The following EMCN variants were observed in gnomAD, a reference collection of about 807,000 sequenced individuals.
The protein encoded by EMCN is MUC-14.
Under a neutral mutation model 38.4 loss-of-function variants are expected in EMCN, and 37 were observed. The observed-to-expected ratio is 0.96, with a 90% confidence interval of 0.74 to 1.27. The LOEUF (loss-of-function observed/expected upper bound fraction) is 1.27, where lower values mean the gene tolerates loss of function less well. Among genes scored for constraint, EMCN ranks in the 50% most tolerant of loss-of-function variants. The pLI is 0.00. For missense variants in EMCN, 318 were observed against 302.8 expected, an observed-to-expected ratio of 1.05 and a Z score of -0.37; for synonymous variants, 95 against 100.8, an observed-to-expected ratio of 0.94 and a Z score of 0.35.
At chr4:100,509,142 A>T (rs7691351) in intron 1 of EMCN, among the ~76,000 whole-genome samples, 35,601 of 152,120 alleles carry the variant, frequency 0.23, 4,342 homozygotes, top group Middle Eastern at 0.31. Context: ...ACACAAAAAT[A>T]GTCACTTAGA....
chr4:100,414,845 A>G (rs1327566329), intron 10 of EMCN, among the ~76,000 whole-genome samples: 2 of 152,220 alleles, frequency 1.3e-5, no homozygotes, highest in African/African-American at 4.8e-5. Flanking sequence ...GGAATTGGTT[A>G]TTATAAATGT....
intron 2 of EMCN, among the ~76,000 whole-genome samples, chr4:100,476,679 C>T (rs905124378): frequency 6.6e-6 from 1 of 152,134 alleles, no homozygotes; most frequent in South Asian, 2.1e-4. Flanking sequence ...CTTTGAGAAA[C>T]ATGTTGAATT....
intron 5 of EMCN, among the ~76,000 whole-genome samples, chr4:100,429,530 C>T (rs941589243): frequency 3.9e-5 from 6 of 152,186 alleles, no homozygotes; most frequent in African/African-American, 1.2e-4. Flanking sequence ...CCTGGTTGCA[C>T]TCTTATAGCA....
chr4:100,460,014 A>G (rs1454674219), intron 4 of EMCN, among the ~76,000 whole-genome samples: 5 of 152,198 alleles, frequency 3.3e-5, no homozygotes. Context: ...GTTTTCCACA[A>G]TGGCTACACT....
chr4:100,430,219 G>T (rs1485069747), intron 5 of EMCN, among the ~76,000 whole-genome samples: 1 of 152,102 alleles, frequency 6.6e-6, no homozygotes, highest in African/African-American at 2.4e-5. Context: ...AGTAGAAACT[G>T]ATGCCTTGAG....
chr4:100,466,726 G>C (rs761232421), intron 3 of EMCN, among the ~76,000 whole-genome samples: 4 of 152,164 alleles, frequency 2.6e-5, no homozygotes, highest in Non-Finnish European at 5.9e-5. Flanking sequence ...GTTGGTATTC[G>C]TGTTAGCATG....
At chr4:100,511,075 C>T (rs1578241235) in intron 1 of EMCN, among the ~76,000 whole-genome samples, 1 of 152,106 alleles carries the variant, frequency 6.6e-6, no homozygotes, top group Admixed American at 6.5e-5. Flanking sequence ...TGCTGTGAGG[C>T]GGAGTAGTGA....
Position 100,397,148 on chromosome 4 carries a change from T to C in EMCN, c.*1265A>G, listed in dbSNP as rs1054764786. On this transcript the variant is annotated 3_prime_UTR_variant, in exon 12 of 12. Coordinates refer to ENST00000296420, the MANE Select transcript of EMCN (RefSeq NM_016242.4). ...TAAAAGGCTATTTTAAATACAAGATTCCATCTTCACTAAACTGCCCCTTAG... is the reference window on the plus strand; with the variant it reads ...TAAAAGGCTATTTTAAATACAAGATCCCATCTTCACTAAACTGCCCCTTAG... 1.3e-5 allele frequency: 2 copies of C among 152,232 alleles called. No homozygotes were observed. The highest frequency in any genetic ancestry group is 2.9e-5 in the Non-Finnish European group (2 of 68,014). 9.4% of individuals were successfully genotyped at this position (152,232 alleles called of 1,614,324 possible). A position where few individuals can be genotyped will look rare whatever the true frequency, so the allele number is the denominator to read the frequency against.
At chr4:100,435,832 T>A (rs1169311577) in intron 5 of EMCN, among the ~76,000 whole-genome samples, 6 of 152,038 alleles carry the variant, frequency 3.9e-5, no homozygotes, top group African/African-American at 1.4e-4. Context: ...CATATGCAGA[T>A]AATTGAAACT....
intron 4 of EMCN, among the ~76,000 whole-genome samples, chr4:100,451,196 T>C (rs1010650184): frequency 2.0e-5 from 3 of 151,850 alleles, no homozygotes; most frequent in Admixed American, 6.6e-5. Context: ...TTTTCATTTA[T>C]GGTAGTTTAT....
chr4:100,476,494 T>G (rs746172619), intron 2 of EMCN, among the ~76,000 whole-genome samples: 13 of 152,168 alleles, frequency 8.5e-5, no homozygotes, highest in Non-Finnish European at 1.3e-4. Context: ...TTTGCAGGTT[T>G]GTTGCATGGG....
chr4:100,452,939 A>G (rs953666665), intron 4 of EMCN, among the ~76,000 whole-genome samples: 4 of 152,170 alleles, frequency 2.6e-5, no homozygotes, highest in Non-Finnish European at 4.4e-5. Flanking sequence ...AGGATTCCCT[A>G]TTTAATAAAT....
At chr4:100,484,033 T>TG (rs1728879541) in intron 1 of EMCN, among the ~76,000 whole-genome samples, 1 of 152,202 alleles carries the variant, frequency 6.6e-6, no homozygotes, top group Admixed American at 6.6e-5. Context: ...GATTCTACCC[T>TG]GTCCCCATAT....
At chr4:100,418,649 T>C (rs1183856529) in intron 8 of EMCN, among the ~76,000 whole-genome samples, 1 of 152,158 alleles carries the variant, frequency 6.6e-6, no homozygotes, top group Non-Finnish European at 1.5e-5. Flanking sequence ...AAGTTTGTCT[T>C]TCTGTGCCTG....
chr4:100,454,054 G>A (rs1185466271), intron 4 of EMCN, among the ~76,000 whole-genome samples: 5 of 151,350 alleles, frequency 3.3e-5, no homozygotes, highest in Non-Finnish European at 5.9e-5. Context: ...GGATAGCATT[G>A]GGAGATATAC....
intron 3 of EMCN, among the ~76,000 whole-genome samples, chr4:100,473,613 C>T (rs1728556370): frequency 6.6e-6 from 1 of 151,818 alleles, no homozygotes; most frequent in South Asian, 2.1e-4. Context: ...AAAAGAGATC[C>T]TTGTAGATGA....
At chr4:100,486,549 ATAAG>A (rs1355470413) in intron 1 of EMCN, among the ~76,000 whole-genome samples, 1 of 152,236 alleles carries the variant, frequency 6.6e-6, no homozygotes, top group Non-Finnish European at 1.5e-5. Context: ...ACTTTGGAAG[ATAAG>A]TAAGAAAATC....
At chr4:100,461,966 G>A (rs899180709) in intron 4 of EMCN, among the ~76,000 whole-genome samples, 7 of 152,144 alleles carry the variant, frequency 4.6e-5, no homozygotes, top group African/African-American at 7.2e-5. Flanking sequence ...TGTGATGGGC[G>A]GAAAGGGAGT....
chr4:100,470,673 T>C (rs984728137), intron 3 of EMCN, among the ~76,000 whole-genome samples: 7 of 151,946 alleles, frequency 4.6e-5, no homozygotes, highest in African/African-American at 1.7e-4. Flanking sequence ...CAATATATGG[T>C]ACATATACAC....
Sources: allele counts gnomAD v4.1 joint callset (sites outside exome capture counted in the v4.1 genomes callset), GRCh38; gene constraint gnomAD v4.1.1; transcripts MANE v1.5; gene names NCBI Gene and HGNC (gene_info 2026-07-23, HGNC 2026-07-21).